The following QTMAN variants were observed in gnomAD, a reference collection of about 807,000 sequenced individuals.
The protein encoded by QTMAN is queuosine-tRNA mannosyltransferase.
At chr2:144,182,048 T>C in the QTMAN span, among the ~76,000 whole-genome samples, 145 of 152,070 alleles carry the variant, frequency 9.5e-4, 2 homozygotes, top group East Asian at 0.02. Context: ...CTTAGCATTA[T>C]GTAAGGGTTA....
the QTMAN span, chr2:143,970,683 C>T: frequency 2.5e-6 from 4 of 1,607,216 alleles, no homozygotes; most frequent in Admixed American, 6.7e-5. Context: ...TCTCCAAGTA[C>T]AGACACGTGG....
chr2:143,957,081 T>C, the QTMAN span: 56 of 833,748 alleles, frequency 6.7e-5, 1 homozygote, highest in East Asian at 9.6e-4. Context: ...TGATAGTCAA[T>C]TGAATTCCTT....
At chr2:144,131,009 A>G in the QTMAN span, among the ~76,000 whole-genome samples, 1 of 152,002 alleles carries the variant, frequency 6.6e-6, no homozygotes, top group Admixed American at 6.6e-5. Flanking sequence ...TGGTTTTACA[A>G]ATTTTGCACT....
the QTMAN span, among the ~76,000 whole-genome samples, chr2:144,198,120 G>A: frequency 9.9e-5 from 15 of 152,166 alleles, no homozygotes; most frequent in South Asian, 4.2e-4. Context: ...TAGCTAGTAC[G>A]GGAGGCTGAG....
chr2:144,165,586 C>T, the QTMAN span, among the ~76,000 whole-genome samples: 7 of 152,124 alleles, frequency 4.6e-5, no homozygotes, highest in Non-Finnish European at 8.8e-5. Context: ...GGATTTCAAA[C>T]CTAGACTTCT....
chr2:144,145,470 T>TA, the QTMAN span: 1 of 743,306 alleles, frequency 1.3e-6, no homozygotes, highest in Non-Finnish European at 2.2e-6. Flanking sequence ...TATGGTGTTT[T>TA]AAAAAAAGGT....
At chr2:144,012,814 G>C in the QTMAN span, among the ~76,000 whole-genome samples, 1 of 152,112 alleles carries the variant, frequency 6.6e-6, no homozygotes. Context: ...GAGAAAGAGA[G>C]AGCGTGTATA....
the QTMAN span, among the ~76,000 whole-genome samples, chr2:144,030,698 A>T: frequency 4.9e-4 from 75 of 152,296 alleles, no homozygotes; most frequent in African/African-American, 1.7e-3. Context: ...AAAATAAATG[A>T]CAAGAGAAGA....
At chr2:144,099,067 A>G in the QTMAN span, among the ~76,000 whole-genome samples, 2 of 152,230 alleles carry the variant, frequency 1.3e-5, no homozygotes, top group Admixed American at 1.3e-4. Context: ...AAATGGCTGA[A>G]TATACATAAG....
the QTMAN span, among the ~76,000 whole-genome samples, chr2:144,297,134 T>A: frequency 9.9e-5 from 15 of 152,160 alleles, no homozygotes; most frequent in African/African-American, 3.6e-4. Context: ...ATTTAACTTT[T>A]CATCATGAAA....
At chr2:144,204,595 AG>A in the QTMAN span, among the ~76,000 whole-genome samples, 23 of 152,330 alleles carry the variant, frequency 1.5e-4, no homozygotes, top group Middle Eastern at 3.4e-3. Flanking sequence ...CAATTCCTCA[AG>A]GATCTAGAAC....
chr2:144,175,057 A>G, the QTMAN span, among the ~76,000 whole-genome samples: 1 of 152,190 alleles, frequency 6.6e-6, no homozygotes, highest in African/African-American at 2.4e-5. Flanking sequence ...AGACTTACCT[A>G]TGGCATTAAC....
the QTMAN span, among the ~76,000 whole-genome samples, chr2:144,065,913 A>G: frequency 6.6e-6 from 1 of 152,162 alleles, no homozygotes. Context: ...GAGATGTCCC[A>G]GGAATCAAAG....
At chr2:144,264,202 C>A in the QTMAN span, among the ~76,000 whole-genome samples, 134 of 151,958 alleles carry the variant, frequency 8.8e-4, 3 homozygotes, top group East Asian at 0.018. Flanking sequence ...CCACTGAGAG[C>A]CAATATCACA....
the QTMAN span, among the ~76,000 whole-genome samples, chr2:144,146,632 A>G: frequency 6.6e-6 from 1 of 151,872 alleles, no homozygotes; most frequent in Non-Finnish European, 1.5e-5. Flanking sequence ...ACAAACAGAA[A>G]GCAATACTAA....
the QTMAN span, among the ~76,000 whole-genome samples, chr2:143,965,891 T>C: frequency 6.6e-6 from 1 of 152,238 alleles, no homozygotes; most frequent in Non-Finnish European, 1.5e-5. Context: ...CAGGACATAG[T>C]TGCTAGATGC....
the QTMAN span, among the ~76,000 whole-genome samples, chr2:144,242,884 C>T: frequency 6.9e-6 from 1 of 145,420 alleles, no homozygotes; most frequent in South Asian, 2.1e-4. Context: ...ATCACCTGAA[C>T]GCAGGTGGCA....
At chr2:144,022,207 T>G in the QTMAN span, among the ~76,000 whole-genome samples, 1 of 152,182 alleles carries the variant, frequency 6.6e-6, no homozygotes, top group Non-Finnish European at 1.5e-5. Flanking sequence ...TTTTTTCTAA[T>G]TTTTCCATCT....
At chr2:144,255,725 A>G in the QTMAN span, among the ~76,000 whole-genome samples, 2 of 152,260 alleles carry the variant, frequency 1.3e-5, no homozygotes, top group African/African-American at 2.4e-5. Flanking sequence ...GGTAAACCAC[A>G]GAGGATTTTT....
Sources: allele counts gnomAD v4.1 joint callset (sites outside exome capture counted in the v4.1 genomes callset), GRCh38; gene constraint gnomAD v4.1.1; transcripts MANE v1.5; gene names NCBI Gene and HGNC (gene_info 2026-07-23, HGNC 2026-07-21).